Variants in GIGYF2 observed in about 807,000 individuals in gnomAD.
GIGYF2 encodes the protein GRB10-interacting GYF protein 2.
A neutral mutation model predicts 208.1 loss-of-function variants in GIGYF2; 25 were observed. The observed-to-expected ratio is 0.12, with a 90% CI of 0.09 to 0.17. GIGYF2 has a LOEUF of 0.17. GIGYF2 is among the 10% of genes least tolerant of loss of function. GIGYF2 has a pLI of 1.00. For missense variants in GIGYF2, 1,302 were observed against 1,579.4 expected, an observed-to-expected ratio of 0.82 and a Z score of 2.98; for synonymous variants, 534 against 543.8, an observed-to-expected ratio of 0.98 and a Z score of 0.25.
intron 5 of GIGYF2, among the ~76,000 whole-genome samples, chr2:232,755,561 C>T (rs888194441): frequency 1.3e-5 from 2 of 152,224 alleles, no homozygotes; most frequent in African/African-American, 4.8e-5. Flanking sequence ...TCTCTTTTTA[C>T]TTGACCCTGT....
chr2:232,812,275 G>A, intron 17 of GIGYF2, 116 bp from the exon 18 acceptor site: 1 of 652,474 alleles, frequency 1.5e-6, no homozygotes, highest in Non-Finnish European at 2.8e-6. Flanking sequence ...AAAGAGTGAA[G>A]GCGTTTTCTA....
At chr2:232,714,687 C>A (rs962883907) in intron 2 of GIGYF2, among the ~76,000 whole-genome samples, 2 of 152,098 alleles carry the variant, frequency 1.3e-5, no homozygotes, top group Non-Finnish European at 2.9e-5. Context: ...GTTTTGTAGT[C>A]ATTTTTCCTC....
chr2:232,812,554 A>G, intron 18 of GIGYF2, 63 bp downstream of exon 18: 1 of 740,834 alleles, frequency 1.3e-6, no homozygotes, highest in East Asian at 2.6e-5. Context: ...ATAATTTTAC[A>G]ATTCAGTTCT....
At chr2:232,702,747 A>G (rs777341085) in intron 1 of GIGYF2, among the ~76,000 whole-genome samples, 1 of 152,172 alleles carries the variant, frequency 6.6e-6, no homozygotes, top group Non-Finnish European at 1.5e-5. Context: ...GGGCTCAGTG[A>G]TTATTTGCAT....
chr2:232,819,188 G>T (rs1472692373), intron 20 of GIGYF2, among the ~76,000 whole-genome samples: 2 of 152,058 alleles, frequency 1.3e-5, no homozygotes, highest in South Asian at 4.1e-4. Flanking sequence ...TGAGAACTAC[G>T]GTTAATTCTT....
chr2:232,836,723 AGAT>A (rs1024639120), intron 22 of GIGYF2, among the ~76,000 whole-genome samples: 9 of 152,072 alleles, frequency 5.9e-5, no homozygotes, highest in African/African-American at 1.9e-4. Context: ...TAGTTTTCTC[AGAT>A]AAGGTAGCAG....
chr2:232,811,751 A>C (rs1700740562), intron 17 of GIGYF2, among the ~76,000 whole-genome samples: 1 of 152,208 alleles, frequency 6.6e-6, no homozygotes, highest in African/African-American at 2.4e-5. Flanking sequence ...GTCTAAGGAA[A>C]AGGAAATTAT....
intron 2 of GIGYF2, among the ~76,000 whole-genome samples, chr2:232,710,514 G>A (rs958730612): frequency 6.6e-6 from 1 of 152,174 alleles, no homozygotes; most frequent in Non-Finnish European, 1.5e-5. Context: ...AGCCCTGGTG[G>A]TTGAGCAAAA....
At chr2:232,756,941 A>G (rs1221597149) in intron 6 of GIGYF2, among the ~76,000 whole-genome samples, 2 of 152,200 alleles carry the variant, frequency 1.3e-5, no homozygotes, top group Non-Finnish European at 2.9e-5. Flanking sequence ...CTATATGACG[A>G]CATTCTTAAA....
chr2:232,759,002 C>T (rs1047344581), intron 6 of GIGYF2, among the ~76,000 whole-genome samples: 15 of 152,184 alleles, frequency 9.9e-5, no homozygotes, highest in Admixed American at 4.6e-4. Flanking sequence ...ATTATAGTTC[C>T]ACCGTGCTTC....
intron 2 of GIGYF2, among the ~76,000 whole-genome samples, chr2:232,733,380 C>T (rs1002284127): frequency 6.6e-6 from 1 of 152,104 alleles, no homozygotes; most frequent in Non-Finnish European, 1.5e-5. Flanking sequence ...GGATAATCTC[C>T]CTTGGAGTCT....
intron 18 of GIGYF2, among the ~76,000 whole-genome samples, 153 bp downstream of exon 18, chr2:232,812,644 A>G (rs1700767694): frequency 1.3e-5 from 2 of 152,156 alleles, no homozygotes; most frequent in South Asian, 4.1e-4. Flanking sequence ...TCCAAGCAAT[A>G]TTGAAGGTGT....
intron 14 of GIGYF2, among the ~76,000 whole-genome samples, chr2:232,801,416 T>G (rs1700395752): frequency 6.6e-6 from 1 of 152,096 alleles, no homozygotes; most frequent in East Asian, 1.9e-4. Context: ...TCCCAGCTAC[T>G]TGGGAGGCTG....
chr2:232,818,303 A>G (rs1194056215), intron 20 of GIGYF2, among the ~76,000 whole-genome samples: 1 of 152,232 alleles, frequency 6.6e-6, no homozygotes, highest in Non-Finnish European at 1.5e-5. Context: ...CTACACGTAT[A>G]TTTGCTTTAC....
chr2:232,719,047 C>T (rs1184651588), intron 2 of GIGYF2: 1 of 151,620 alleles, frequency 6.6e-6, no homozygotes, highest in Admixed American at 6.6e-5. Flanking sequence ...GGCTGGAGCA[C>T]AGTGGCGTGA....
intron 21 of GIGYF2, among the ~76,000 whole-genome samples, chr2:232,828,063 A>G (rs1389993483): frequency 6.6e-6 from 1 of 152,036 alleles, no homozygotes; most frequent in Non-Finnish European, 1.5e-5. Flanking sequence ...GTCACAGCTC[A>G]TTGCAGCCTT....
intron 8 of GIGYF2, among the ~76,000 whole-genome samples, chr2:232,773,576 T>A (rs1699370204): frequency 6.6e-6 from 1 of 152,148 alleles, no homozygotes; most frequent in African/African-American, 2.4e-5. Context: ...TCTAGCACCT[T>A]TAGTAGATGC....
intron 18 of GIGYF2, among the ~76,000 whole-genome samples, chr2:232,813,264 A>C (rs1293932617): frequency 6.9e-6 from 1 of 145,768 alleles, no homozygotes; most frequent in East Asian, 2.0e-4. Context: ...TTCTCAGCTC[A>C]TCGCAACCTC....
chr2:232,774,512 T>G (rs1287280766), intron 8 of GIGYF2, among the ~76,000 whole-genome samples: 1 of 152,174 alleles, frequency 6.6e-6, no homozygotes, highest in African/African-American at 2.4e-5. Context: ...TTTTGCCAGA[T>G]GAGAAGACAA....
Sources: gnomAD v4.1 joint callset for allele counts (sites outside exome capture counted in the v4.1 genomes callset) on GRCh38, gnomAD v4.1.1 for gene constraint, MANE v1.5 for transcripts, NCBI Gene and HGNC (gene_info 2026-07-23, HGNC 2026-07-21) for gene names.